Variants in JARID2 observed in about 807,000 individuals in gnomAD.
JARID2 encodes the protein jumonji and AT-rich interaction domain containing 2, also known as protein Jumonji.
JARID2 carries 21 observed loss-of-function variants against 125.6 expected under a neutral mutation model. The ratio of observed to expected loss-of-function variants is 0.17; its 90% CI spans 0.12 to 0.24. The LOEUF (loss-of-function observed/expected upper bound fraction) is 0.24, where lower values mean the gene tolerates loss of function less well. Ranked by LOEUF, JARID2 falls within the 10% of genes least tolerant of loss-of-function variation. The probability of loss-of-function intolerance (pLI) is 1.00; values close to 1 mark genes in which losing one functional copy is unlikely to be tolerated. For synonymous variants in JARID2, 736 were observed against 661.6 expected (o/e 1.11, Z -1.73); for missense variants, 1,303 against 1,639.6 (o/e 0.79, Z 3.55).
chr6:15,397,045 T>C (rs1581502169), intron 2 of JARID2, among the ~76,000 whole-genome samples: 1 of 152,350 alleles, frequency 6.6e-6, no homozygotes, highest in Non-Finnish European at 1.5e-5. Flanking sequence ...TACCAAGCCT[T>C]CTTGGAAAGC....
intron 2 of JARID2, among the ~76,000 whole-genome samples, chr6:15,384,589 C>CTATT (rs34448705): frequency 1.3e-4 from 19 of 151,820 alleles, no homozygotes; most frequent in Admixed American, 3.3e-4. Context: ...ACCTGTTTTA[C>CTATT]TATTTATTTA....
At chr6:15,301,391 T>A (rs142307996) in intron 1 of JARID2, among the ~76,000 whole-genome samples, 11 of 152,338 alleles carry the variant, frequency 7.2e-5, no homozygotes, top group African/African-American at 2.6e-4. Context: ...GTCATCAGTG[T>A]GATATTCAGA....
chr6:15,438,157 TGGA>T (rs767588015), intron 3 of JARID2, among the ~76,000 whole-genome samples: 1 of 152,168 alleles, frequency 6.6e-6, no homozygotes, highest in East Asian at 1.9e-4. Flanking sequence ...TACAAATTGC[TGGA>T]GGAGAAGCCT....
intron 3 of JARID2, among the ~76,000 whole-genome samples, chr6:15,416,954 G>C (rs568389455): frequency 6.6e-6 from 1 of 152,276 alleles, no homozygotes; most frequent in East Asian, 1.9e-4. Context: ...CTTGTGGTCA[G>C]AAACTCTTTG....
intron 12 of JARID2, chr6:15,509,094 G>C (rs1224087606): frequency 6.2e-6 from 8 of 1,289,160 alleles, no homozygotes; most frequent in Non-Finnish European, 8.1e-6. Flanking sequence ...CTGGCGAGGT[G>C]TTCTGGGTCC....
chr6:15,364,612 A>G (rs2127499623), intron 1 of JARID2, among the ~76,000 whole-genome samples: 1 of 152,330 alleles, frequency 6.6e-6, no homozygotes, highest in African/African-American at 2.4e-5. Context: ...TGCCTGCTTT[A>G]GACTCTAATT....
chr6:15,411,997 G>T (rs1305201715), intron 3 of JARID2, among the ~76,000 whole-genome samples: 1 of 152,228 alleles, frequency 6.6e-6, no homozygotes, highest in Non-Finnish European at 1.5e-5. Flanking sequence ...GTGTCATGTG[G>T]CACCTGAGTG....
intron 1 of JARID2, among the ~76,000 whole-genome samples, chr6:15,309,708 C>T (rs1375030409): frequency 1.3e-5 from 2 of 151,482 alleles, no homozygotes; most frequent in East Asian, 1.9e-4. Context: ...TATGCTTTGA[C>T]AAATGAAGTG....
chr6:15,504,187 C>T (rs187363801), intron 8 of JARID2, among the ~76,000 whole-genome samples: 217 of 152,382 alleles, frequency 1.4e-3, no homozygotes, highest in African/African-American at 5.0e-3. Context: ...GCTTTTTCAG[C>T]AGAGCCTTGG....
In JARID2 at chr6:15,469,324, C is replaced by G. The variant is rs541661906; in HGVS notation, c.670+606C>G. Among the ~76,000 whole-genome samples the G allele has an allele frequency of 6.5e-3, 669 of 102,234 alleles. 16 individuals are homozygous for G. The highest frequency in any genetic ancestry group is 0.024 in the African/African-American group (630 of 25,726). 67.1% of individuals were successfully genotyped at this position (102,234 alleles called of 152,430 possible). ...TCTCTGTCTCTCTCTCTCTGTCTCT[C>G]TCTCTCTCTCTCCTGTCTCTCTCTC... On this transcript the variant is annotated intron_variant, in intron 5 of 17. Coordinates refer to ENST00000341776, the MANE Select transcript of JARID2 (RefSeq NM_004973.4).
chr6:15,339,519 T>TCCCGCCCCA (rs1762994069), intron 1 of JARID2, among the ~76,000 whole-genome samples: 1 of 122,402 alleles, frequency 8.2e-6, no homozygotes, highest in African/African-American at 3.1e-5. Flanking sequence ...CAGTTATCTC[T>TCCCGCCCCA]CCCGCCCCAC....
At chr6:15,271,679 C>T (rs1345675320) in intron 1 of JARID2, among the ~76,000 whole-genome samples, 1 of 151,918 alleles carries the variant, frequency 6.6e-6, no homozygotes, top group East Asian at 1.9e-4. Context: ...TGAAGAGACA[C>T]TCTCCTACAG....
At chr6:15,383,844 G>T (rs2127531660) in intron 2 of JARID2, among the ~76,000 whole-genome samples, 1 of 152,228 alleles carries the variant, frequency 6.6e-6, no homozygotes, top group South Asian at 2.1e-4. Context: ...GTCCAGGCTG[G>T]AGTGCAATGG....
intron 5 of JARID2, among the ~76,000 whole-genome samples, chr6:15,474,960 T>G (rs1460008531): frequency 6.6e-6 from 1 of 152,222 alleles, no homozygotes; most frequent in African/African-American, 2.4e-5. Context: ...TCAGTAATAA[T>G]CCCGGTTGAC....
intron 3 of JARID2, among the ~76,000 whole-genome samples, chr6:15,416,576 C>G (rs1383396728): frequency 6.6e-6 from 1 of 152,166 alleles, no homozygotes; most frequent in Non-Finnish European, 1.5e-5. Context: ...CAATGGCAGG[C>G]ACTCGGCAGG....
chr6:15,287,806 C>G (rs556193372), intron 1 of JARID2, among the ~76,000 whole-genome samples: 1 of 152,194 alleles, frequency 6.6e-6, no homozygotes, highest in Non-Finnish European at 1.5e-5. Flanking sequence ...TAGCTGCACC[C>G]TCTACTCATT....
chr6:15,488,551 G>T (rs1769993810), intron 6 of JARID2, among the ~76,000 whole-genome samples: 1 of 152,184 alleles, frequency 6.6e-6, no homozygotes, highest in South Asian at 2.1e-4. Context: ...TTCCTGGCTG[G>T]CAGTGTTGCA....
At chr6:15,248,993 A>G (rs1759322980) in intron 1 of JARID2, 6 of 980,716 alleles carry the variant, frequency 6.1e-6, no homozygotes, top group Non-Finnish European at 7.3e-6. Flanking sequence ...TAGGTCCCCA[A>G]AGGAGTGCCA....
chr6:15,311,482 G>A (rs897671852), intron 1 of JARID2, among the ~76,000 whole-genome samples: 1 of 152,222 alleles, frequency 6.6e-6, no homozygotes, highest in Non-Finnish European at 1.5e-5. Context: ...GAAGGCTGAG[G>A]CAGGAGAATC....
Sources: allele counts gnomAD v4.1 joint callset (sites outside exome capture counted in the v4.1 genomes callset), GRCh38; gene constraint gnomAD v4.1.1; transcripts MANE v1.5; gene names NCBI Gene and HGNC (gene_info 2026-07-23, HGNC 2026-07-21).